Variants in CNTN4 observed in about 807,000 individuals in gnomAD.
CNTN4 encodes contactin-4.
In CNTN4, 77 loss-of-function variants were observed where a neutral mutation model predicts 122.5. That is an observed-to-expected ratio of 0.63 (90% CI 0.52 to 0.76). The LOEUF (loss-of-function observed/expected upper bound fraction) is 0.76, where lower values mean the gene tolerates loss of function less well. Among genes scored for constraint, CNTN4 ranks in the 30% least tolerant of loss-of-function variants. CNTN4 has a pLI of 0.00. For missense variants in CNTN4, 1,256 were observed against 1,259.1 expected, an observed-to-expected ratio of 1.00 and a Z score of 0.04; for synonymous variants, 512 against 447.0, an observed-to-expected ratio of 1.15 and a Z score of -1.83.
intron 3 of CNTN4, among the ~76,000 whole-genome samples, chr3:2,481,281 C>T (rs995190230): frequency 6.6e-6 from 1 of 151,914 alleles, no homozygotes; most frequent in African/African-American, 2.4e-5. Flanking sequence ...GCTAGGATTA[C>T]AGGTGCACGC....
chr3:2,513,363 A>G (rs780964589), intron 3 of CNTN4, among the ~76,000 whole-genome samples: 1 of 152,120 alleles, frequency 6.6e-6, no homozygotes, highest in Non-Finnish European at 1.5e-5. Context: ...GCAAGATGTG[A>G]TCTTGTTTTA....
At chr3:2,226,424 A>G (rs1490616982) in intron 2 of CNTN4, among the ~76,000 whole-genome samples, 2 of 152,158 alleles carry the variant, frequency 1.3e-5, no homozygotes, top group African/African-American at 2.4e-5. Context: ...GAGCATAACC[A>G]CTTTACATAC....
At chr3:2,396,656 G>GTTTTTTTTTTTTTTT (rs752074730) in intron 3 of CNTN4, among the ~76,000 whole-genome samples, 1 of 145,106 alleles carries the variant, frequency 6.9e-6, no homozygotes. Flanking sequence ...TTATGTCTGG[G>GTTTTTTTTTTTTTTT]TTTTTTTTTT....
chr3:2,841,260 T>A lies in CNTN4; in HGVS notation c.454+21679T>A, dbSNP rs868138651. On this transcript the variant is annotated intron_variant, in intron 7 of 24. Coordinates refer to ENST00000418658, the MANE Select transcript of CNTN4 (RefSeq NM_175607.3). The surrounding 1 kb of genome is among the most constrained non-coding windows in gnomAD (Gnocchi z 4.8). Reference sequence around the variant, plus strand: ...TTAACTTTTAACCCAGTTTTTCAGATGTGTTAATATATAGTGCAAAGTTTC... The same window carrying A: ...TTAACTTTTAACCCAGTTTTTCAGAAGTGTTAATATATAGTGCAAAGTTTC... Among the ~76,000 whole-genome samples, 1 of 152,224 alleles carries A rather than the reference T, an allele frequency of 6.6e-6. No homozygotes were observed. Among genetic ancestry groups the A allele is most frequent in the Non-Finnish European group, 1.5e-5 (1 of 68,042 alleles).
intron 4 of CNTN4, among the ~76,000 whole-genome samples, chr3:2,677,345 G>A (rs1048048017): frequency 6.8e-6 from 1 of 147,742 alleles, no homozygotes; most frequent in African/African-American, 2.5e-5. Flanking sequence ...TTTTTTTGTG[G>A]TGGGGGGCAC....
intron 4 of CNTN4, among the ~76,000 whole-genome samples, chr3:2,697,366 A>G (rs115427136): frequency 6.6e-6 from 1 of 152,172 alleles, no homozygotes; most frequent in Non-Finnish European, 1.5e-5. Context: ...TCAGCAGTCC[A>G]TTTGTTTTTT....
chr3:2,739,405 A>G (rs1176800754), intron 5 of CNTN4, among the ~76,000 whole-genome samples: 1 of 152,264 alleles, frequency 6.6e-6, no homozygotes, highest in Non-Finnish European at 1.5e-5. Flanking sequence ...ACAAATACAC[A>G]TAACCTGGTA....
chr3:3,031,599 G>A (rs1699170850), intron 16 of CNTN4, among the ~76,000 whole-genome samples: 2 of 152,056 alleles, frequency 1.3e-5, no homozygotes, highest in Admixed American at 1.3e-4. Context: ...CCCCGGCTGA[G>A]CAACACCAAC....
intron 4 of CNTN4, among the ~76,000 whole-genome samples, chr3:2,622,165 A>G (rs1033847246): frequency 2.6e-5 from 4 of 152,090 alleles, no homozygotes; most frequent in African/African-American, 9.7e-5. Context: ...GCGTTTGGTT[A>G]TGTATCCTGT....
chr3:2,951,273 T>G (rs1344620006), intron 13 of CNTN4, among the ~76,000 whole-genome samples: 1 of 151,986 alleles, frequency 6.6e-6, no homozygotes, highest in Admixed American at 6.6e-5. Context: ...TGGGAGGTGG[T>G]TTTGGGATAA....
intron 6 of CNTN4, among the ~76,000 whole-genome samples, chr3:2,805,576 C>T (rs747196456): frequency 3.9e-5 from 6 of 152,126 alleles, no homozygotes; most frequent in Non-Finnish European, 8.8e-5. Context: ...CACTTGATGC[C>T]AAAGCTCTCA....
intron 4 of CNTN4, among the ~76,000 whole-genome samples, chr3:2,697,421 T>G (rs1379346401): frequency 6.6e-6 from 1 of 152,182 alleles, no homozygotes; most frequent in Non-Finnish European, 1.5e-5. Flanking sequence ...AGATCCAGGT[T>G]GGAATACTCA....
intron 3 of CNTN4, among the ~76,000 whole-genome samples, chr3:2,556,132 T>A (rs1057395676): frequency 1.6e-4 from 25 of 152,324 alleles, no homozygotes; most frequent in South Asian, 8.3e-4. Context: ...AGACTTTTTT[T>A]AAAAACTTGA....
intron 3 of CNTN4, among the ~76,000 whole-genome samples, chr3:2,359,764 C>A (rs187539151): frequency 6.6e-6 from 1 of 152,142 alleles, no homozygotes; most frequent in Non-Finnish European, 1.5e-5. Flanking sequence ...AGGTCTCTAT[C>A]TCCTGACCTC....
At chr3:2,381,366 T>C (rs1274359237) in intron 3 of CNTN4, among the ~76,000 whole-genome samples, 1 of 152,150 alleles carries the variant, frequency 6.6e-6, no homozygotes, top group African/African-American at 2.4e-5. Context: ...ACTTTGTACC[T>C]TGTCCTACAT....
At chr3:2,861,423 C>G (rs2093670558) in intron 7 of CNTN4, among the ~76,000 whole-genome samples, 1 of 152,206 alleles carries the variant, frequency 6.6e-6, no homozygotes, top group African/African-American at 2.4e-5. Flanking sequence ...TGAATACATT[C>G]ATTTTACCCA....
chr3:2,317,137 G>A (rs906830148), intron 2 of CNTN4, among the ~76,000 whole-genome samples: 1 of 152,116 alleles, frequency 6.6e-6, no homozygotes, highest in Non-Finnish European at 1.5e-5. Flanking sequence ...GGACTACATG[G>A]CAAATATTTC....
chr3:2,967,777 A>G lies in CNTN4; in HGVS notation c.1359-20568A>G, dbSNP rs116149875. ...TAGAAACTGGTGTGTATATGAACAC[A>G]TTCTTGAAGTCTAAATCTGGAAAGA... is the stretch of plus-strand genomic sequence containing the variant. On this transcript the variant is annotated intron_variant, in intron 13 of 24. Coordinates refer to ENST00000418658, the MANE Select transcript of CNTN4 (RefSeq NM_175607.3). Among the ~76,000 whole-genome samples, 1,071 of 152,138 alleles carry G rather than the reference A, an allele frequency of 7.0e-3. 12 individuals carry two copies. Among genetic ancestry groups the G allele is most frequent in the African/African-American group, 0.025 (1,016 of 41,462 alleles).
chr3:2,961,894 G>T (rs1409575780), intron 13 of CNTN4, among the ~76,000 whole-genome samples: 3 of 152,176 alleles, frequency 2.0e-5, no homozygotes, highest in African/African-American at 7.2e-5. Context: ...CAATCCATTT[G>T]ATACTCAAAA....
Sources: allele counts gnomAD v4.1 joint callset (sites outside exome capture counted in the v4.1 genomes callset), GRCh38; gene constraint gnomAD v4.1.1; non-coding constraint Gnocchi (gnomAD v3.1); transcripts MANE v1.5; gene names NCBI Gene and HGNC (gene_info 2026-07-23, HGNC 2026-07-21).